MRPS6: variants seen among roughly 807,000 people sequenced by gnomAD.
The protein encoded by MRPS6 is small ribosomal subunit protein bS6m.
In MRPS6, 6 loss-of-function variants were observed where a neutral mutation model predicts 13.1. That is an observed-to-expected ratio of 0.46 (90% CI 0.25 to 0.91). The LOEUF (loss-of-function observed/expected upper bound fraction) is 0.91. MRPS6 is among the 40% of genes least tolerant of loss of function. The pLI is 0.18. For synonymous variants in MRPS6, 61 were observed against 56.5 expected (o/e 1.08, Z -0.36); for missense variants, 164 against 155.6 (o/e 1.05, Z -0.29).
chr21:34,098,920 A>G, intron 1 of MRPS6: 4 of 992,142 alleles, frequency 4.0e-6, no homozygotes, highest in Non-Finnish European at 4.9e-6. Flanking sequence ...TTTAGATTGC[A>G]TGATTTTACT....
At chr21:34,112,942 ACG>A (rs1979762086) in intron 1 of MRPS6, among the ~76,000 whole-genome samples, 1 of 152,072 alleles carries the variant, frequency 6.6e-6, no homozygotes, top group Admixed American at 6.6e-5. Context: ...GGATCGCTTG[ACG>A]TCAGGAGTTT....
At chr21:34,127,943 C>G (rs1980365150) in intron 2 of MRPS6, among the ~76,000 whole-genome samples, 1 of 152,178 alleles carries the variant, frequency 6.6e-6, no homozygotes, top group Non-Finnish European at 1.5e-5. Flanking sequence ...TGACACGTAT[C>G]CGAAATTACG....
intron 1 of MRPS6, chr21:34,100,477 C>T (rs1159748666): frequency 5.7e-5 from 57 of 1,000,076 alleles, no homozygotes; most frequent in Non-Finnish European, 6.6e-5. Context: ...AGCAATGGTG[C>T]TGTGTCCTTC....
intron 1 of MRPS6, among the ~76,000 whole-genome samples, chr21:34,107,659 T>G (rs924442790): frequency 1.3e-5 from 2 of 152,220 alleles, no homozygotes; most frequent in Non-Finnish European, 2.9e-5. Flanking sequence ...CTCAAGAGCT[T>G]CCCCTTTTCC....
At chr21:34,119,717 A>G (rs1264094469) in intron 1 of MRPS6, among the ~76,000 whole-genome samples, 4 of 152,204 alleles carry the variant, frequency 2.6e-5, no homozygotes, top group Admixed American at 2.6e-4. Flanking sequence ...TGTCTTTCCC[A>G]TAGAGTCTAA....
At chr21:34,120,613 A>G (rs1305038321) in intron 1 of MRPS6, among the ~76,000 whole-genome samples, 3 of 152,156 alleles carry the variant, frequency 2.0e-5, no homozygotes, top group Non-Finnish European at 4.4e-5. Context: ...TATAAGTATT[A>G]TACTATTTCG....
chr21:34,112,230 T>G (rs578060395), intron 1 of MRPS6, among the ~76,000 whole-genome samples: 5 of 152,198 alleles, frequency 3.3e-5, no homozygotes, highest in African/African-American at 4.8e-5. Context: ...CATCAAACAT[T>G]TATTGAACGT....
chr21:34,092,491 A>C (rs5000992), intron 1 of MRPS6, among the ~76,000 whole-genome samples: 152,286 of 152,290 alleles, frequency 1, 76,141 homozygotes, highest in Middle Eastern at 1. Flanking sequence ...TTAGGGTACT[A>C]TTTGGTACCT....
chr21:34,077,325 C>CT (rs1989356932), intron 1 of MRPS6, among the ~76,000 whole-genome samples: 1 of 152,172 alleles, frequency 6.6e-6, no homozygotes, highest in Non-Finnish European at 1.5e-5. Flanking sequence ...AAGAAGAAAT[C>CT]TGAGGAAAGA....
intron 2 of MRPS6, among the ~76,000 whole-genome samples, chr21:34,137,198 G>C (rs1175414238): frequency 6.6e-6 from 1 of 152,076 alleles, no homozygotes; most frequent in East Asian, 1.9e-4. Context: ...TTTTGATTGA[G>C]GTTCTACTGA....
intron 1 of MRPS6, among the ~76,000 whole-genome samples, chr21:34,079,138 C>T (rs1989400907): frequency 6.6e-6 from 1 of 152,070 alleles, no homozygotes; most frequent in South Asian, 2.1e-4. Context: ...GACCTGTCAC[C>T]TATATTTTTG....
chr21:34,088,621 A>C (rs1978518968), intron 1 of MRPS6, among the ~76,000 whole-genome samples: 1 of 152,192 alleles, frequency 6.6e-6, no homozygotes, highest in African/African-American at 2.4e-5. Flanking sequence ...TGTCCTTTTC[A>C]CTGAAGGTAG....
chr21:34,100,953 T>C (rs549568495), intron 1 of MRPS6: 353 of 1,000,158 alleles, frequency 3.5e-4, no homozygotes, highest in East Asian at 1.4e-3. Context: ...GGTTAACTTA[T>C]GATGATTCTC....
At chr21:34,110,897 C>T (rs972889653) in intron 1 of MRPS6, among the ~76,000 whole-genome samples, 1 of 152,206 alleles carries the variant, frequency 6.6e-6, no homozygotes, top group Non-Finnish European at 1.5e-5. Flanking sequence ...CAATTTTCTT[C>T]CTAAGGCACA....
At chr21:34,078,630 G>A (rs1359573424) in intron 1 of MRPS6, among the ~76,000 whole-genome samples, 2 of 152,104 alleles carry the variant, frequency 1.3e-5, no homozygotes, top group Non-Finnish European at 2.9e-5. Flanking sequence ...GAGTTCAAAA[G>A]CAATGACGGG....
At chr21:34,117,018 A>C (rs1241834070) in intron 1 of MRPS6, among the ~76,000 whole-genome samples, 1 of 152,084 alleles carries the variant, frequency 6.6e-6, no homozygotes, top group African/African-American at 2.4e-5. Context: ...AGTTTTTCCC[A>C]CCACTCTGAC....
rs1989241291 is a variant in MRPS6 at position 34,073,619 on chromosome 21, G to T, written c.-82G>T. On this transcript the variant is annotated 5_prime_UTR_variant, in exon 1 of 3. Coordinates refer to ENST00000399312, the MANE Select transcript of MRPS6 (RefSeq NM_032476.4). ...AGCCGTCCGGCGCAGCAGTTTCTAG[G>T]TCCCCACTGTCCCCGCCGTCCCGCC... The T allele has an allele frequency of 8.0e-7, 1 of 1,251,252 alleles. No individual in the cohort carries two copies. The highest frequency in any genetic ancestry group is 1.1e-6 in the Non-Finnish European group (1 of 900,984). 77.5% of individuals were successfully genotyped at this position (1,251,252 alleles called of 1,614,324 possible).
rs750444018 is a variant in MRPS6 at position 34,125,469 on chromosome 21, C to T, written c.174C>T (p.His58=). ...GGATCTCTGCCCACAGTCAGCAGCACAACAGAGGCGGGTAAGTTTCTTCAT... is the reference window on the plus strand; with the variant it reads ...GGATCTCTGCCCACAGTCAGCAGCATAACAGAGGCGGGTAAGTTTCTTCAT... The part of the protein sequence containing the change: ...PYRISAHSQQ[H]NRGGYFLVDF... Residue 58 remains histidine, a synonymous_variant, in exon 2 of 3, where the codon CAC becomes CAT. Coordinates refer to ENST00000399312, the MANE Select transcript of MRPS6 (RefSeq NM_032476.4). The T allele has an allele frequency of 3.7e-6, 6 of 1,613,616 alleles. No homozygotes were observed. The highest frequency in any genetic ancestry group is 5.1e-6 in the Non-Finnish European group (6 of 1,179,788).
intron 2 of MRPS6, among the ~76,000 whole-genome samples, chr21:34,127,567 CT>C (rs1210856999): frequency 1.3e-5 from 2 of 152,186 alleles, no homozygotes; most frequent in Non-Finnish European, 2.9e-5. Context: ...TCCACAGTGA[CT>C]TTTGGGAAAT....
Sources: allele counts gnomAD v4.1 joint callset (sites outside exome capture counted in the v4.1 genomes callset), GRCh38; gene constraint gnomAD v4.1.1; transcripts MANE v1.5; gene names NCBI Gene and HGNC (gene_info 2026-07-23, HGNC 2026-07-21).